STOM: variants seen among roughly 807,000 people sequenced by gnomAD.
STOM encodes the protein stomatin.
In STOM, 25 loss-of-function variants were observed where a neutral mutation model predicts 30.6. That is an observed-to-expected ratio of 0.82 (90% CI 0.60 to 1.14). The LOEUF is 1.14. STOM is among the 50% of genes most tolerant of loss of function. STOM has a pLI of 0.00. For synonymous variants in STOM, 118 were observed against 130.8 expected (o/e 0.90, Z 0.67); for missense variants, 292 against 365.2 (o/e 0.80, Z 1.63).
At position 121,362,393 on chromosome 9, in the gene STOM, A is replaced by G. The variant is rs189445073; in HGVS notation, c.62-6237T>C. On this transcript the variant is annotated intron_variant, in intron 1 of 6. Transcript: ENST00000286713. ...TCTTCTCCCTCCCATCCATGTTATG[A>G]ACATTTTTTCATATCAGCACATATT... Among the ~76,000 whole-genome samples, 530 of 152,290 alleles carry G rather than the reference A, an allele frequency of 3.5e-3. 5 individuals are homozygous for G. The highest frequency in any genetic ancestry group is 0.017 in the Middle Eastern group (5 of 294).
chr9:121,370,207 C>T lies in STOM; in HGVS notation c.-20G>A. The T allele has an allele frequency of 6.5e-7, 1 of 1,545,662 alleles. No individual in the cohort carries two copies. Among genetic ancestry groups the T allele is most frequent in the South Asian group, 1.2e-5 (1 of 83,874 alleles). On this transcript the variant is annotated 5_prime_UTR_variant, in exon 1 of 7. Coordinates refer to ENST00000286713, the MANE Select transcript of STOM (RefSeq NM_004099.6). ...GGCCATGCTGCCCGAGACGCAGTCG[C>T]ACTCCCCCGTCCTCGTTGCCAAACC... is the stretch of plus-strand genomic sequence containing the variant.
intron 1 of STOM, among the ~76,000 whole-genome samples, chr9:121,360,185 C>T (rs1375357814): frequency 4.6e-5 from 7 of 152,178 alleles, no homozygotes; most frequent in Admixed American, 3.3e-4. Context: ...TAAAATACTT[C>T]TCAGCAAGTT....
chr9:121,353,176 G>T (rs2064354477), intron 4 of STOM, 44 bp downstream of exon 4: 2 of 1,162,766 alleles, frequency 1.7e-6, no homozygotes, highest in Non-Finnish European at 2.5e-6. Flanking sequence ...TCATTGTAAA[G>T]CACTTTCACA....
chr9:121,357,657 C>T (rs1010633320), intron 1 of STOM, among the ~76,000 whole-genome samples: 6 of 151,644 alleles, frequency 4.0e-5, no homozygotes, highest in East Asian at 1.9e-4. Flanking sequence ...AGGCTGGCCT[C>T]GAACTCCTGA....
Position 121,370,167 on chromosome 9 carries a change from T to C in STOM, c.21A>G (p.Thr7=). The change falls in exon 1 of 7, where the codon ACA becomes ACG. Residue 7 remains threonine (T), a synonymous_variant. Transcript: ENST00000286713. MAEKRH[T]RDSEAQRLPD... ...GGAGCCGCTGGGCTTCGGAGTCCCGTGTGTGCCGCTTCTCGGCCATGCTGC... is the reference window on the plus strand; with the variant it reads ...GGAGCCGCTGGGCTTCGGAGTCCCGCGTGTGCCGCTTCTCGGCCATGCTGC... 6.5e-7 allele frequency: 1 copy of C among 1,548,130 alleles called. No individual in the cohort carries two copies. Among genetic ancestry groups the C allele is most frequent in the Non-Finnish European group, 8.7e-7 (1 of 1,146,504 alleles).
chr9:121,358,900 T>C (rs1203538610), intron 1 of STOM, among the ~76,000 whole-genome samples: 1 of 152,188 alleles, frequency 6.6e-6, no homozygotes, highest in African/African-American at 2.4e-5. Context: ...ACTTCCTTCA[T>C]CTGGTGTGCA....
intron 6 of STOM, among the ~76,000 whole-genome samples, chr9:121,346,948 G>A (rs2134024730): frequency 6.6e-6 from 1 of 152,318 alleles, no homozygotes; most frequent in East Asian, 1.9e-4. Context: ...CTTGTGTCTT[G>A]GGAGATTTGT....
intron 6 of STOM, among the ~76,000 whole-genome samples, chr9:121,343,739 C>T (rs1012655790): frequency 1.4e-4 from 22 of 152,054 alleles, no homozygotes; most frequent in Admixed American, 7.9e-4. Context: ...TGAATGGGGC[C>T]GGGTTCTGAA....
chr9:121,344,396 A>C (rs933535710), intron 6 of STOM, among the ~76,000 whole-genome samples: 2 of 152,136 alleles, frequency 1.3e-5, no homozygotes, highest in African/African-American at 4.8e-5. Context: ...CTCATTTCCC[A>C]CCACCAATCA....
Position 121,370,170 on chromosome 9 carries a change from G to A in STOM, c.18C>T (p.His6=), listed in dbSNP as rs896955174. MAEKR[H]TRDSEAQRLP... Reference sequence around the variant, plus strand: ...GCCGCTGGGCTTCGGAGTCCCGTGTGTGCCGCTTCTCGGCCATGCTGCCCG... The same window carrying A: ...GCCGCTGGGCTTCGGAGTCCCGTGTATGCCGCTTCTCGGCCATGCTGCCCG... The change falls in exon 1 of 7, where the codon CAC becomes CAT. Residue 6 remains histidine (H), a synonymous_variant. Transcript: ENST00000286713. 1.9e-6 allele frequency: 3 copies of A among 1,548,168 alleles called. No homozygotes were observed. In the South Asian group the frequency reaches 3.6e-5, roughly 18 times the overall value.
chr9:121,368,640 C>CATAA (rs1306110532), intron 1 of STOM, among the ~76,000 whole-genome samples: 38 of 152,136 alleles, frequency 2.5e-4, no homozygotes, highest in Admixed American at 2.0e-3. Context: ...ATAATATATA[C>CATAA]ATAAAATACG....
chr9:121,348,202 G>A, intron 5 of STOM, 53 bp from the exon 6 acceptor site: 1 of 1,612,150 alleles, frequency 6.2e-7, no homozygotes. Context: ...CCCAGATGCT[G>A]ACAGAGGCTG....
intron 1 of STOM, among the ~76,000 whole-genome samples, chr9:121,357,379 A>G (rs942128670): frequency 6.8e-6 from 1 of 147,910 alleles, no homozygotes; most frequent in African/African-American, 2.4e-5. Context: ...GTATTTTGGT[A>G]TATTCTTTGA....
chr9:121,341,083 A>G lies in STOM; in HGVS notation c.*119T>C, dbSNP rs928977930. 1 of 1,531,278 alleles carries G rather than the reference A, an allele frequency of 6.5e-7. No homozygotes were observed. Among genetic ancestry groups the G allele is most frequent in the Non-Finnish European group, 8.8e-7 (1 of 1,141,888 alleles). 94.9% of individuals were successfully genotyped at this position (1,531,278 alleles called of 1,614,324 possible). A position where few individuals can be genotyped will look rare whatever the true frequency, so the allele number is the denominator to read the frequency against. On this transcript the variant is annotated 3_prime_UTR_variant, in exon 7 of 7. Coordinates refer to ENST00000286713, the MANE Select transcript of STOM (RefSeq NM_004099.6). ...TTTCACCTATTTTTATAACTGCTAT[A>G]CATTCTGGGAACACCACAATTGACA...
At chr9:121,347,452 T>C (rs1268055025) in intron 6 of STOM, among the ~76,000 whole-genome samples, 2 of 151,730 alleles carry the variant, frequency 1.3e-5, no homozygotes, top group Non-Finnish European at 2.9e-5. Context: ...AAGGCAGATG[T>C]CAAAGTAAGA....
chr9:121,347,315 T>G (rs541459125), intron 6 of STOM, among the ~76,000 whole-genome samples: 6 of 152,348 alleles, frequency 3.9e-5, no homozygotes, highest in Admixed American at 6.5e-5. Context: ...TTTTACACAT[T>G]ATCATCTTTA....
intron 6 of STOM, among the ~76,000 whole-genome samples, chr9:121,342,886 G>A (rs904857140): frequency 6.6e-6 from 1 of 152,166 alleles, no homozygotes; most frequent in Admixed American, 6.5e-5. Flanking sequence ...GACAGAACAG[G>A]AGTTCTGGAG....
At chr9:121,368,944 A>G (rs1053569596) in intron 1 of STOM, among the ~76,000 whole-genome samples, 3 of 152,078 alleles carry the variant, frequency 2.0e-5, no homozygotes, top group Non-Finnish European at 4.4e-5. Context: ...AAAAAAAAAA[A>G]AAAAGTGATA....
chr9:121,341,533 G>T, intron 6 of STOM, 125 bp from the exon 7 acceptor site: 1 of 1,259,256 alleles, frequency 7.9e-7, no homozygotes, highest in Non-Finnish European at 1.1e-6. Context: ...TGCCAGAGTA[G>T]TTTTAAGAAA....
Sources: allele counts gnomAD v4.1 joint callset (sites outside exome capture counted in the v4.1 genomes callset), GRCh38; gene constraint gnomAD v4.1.1; transcripts MANE v1.5; gene names NCBI Gene and HGNC (gene_info 2026-07-23, HGNC 2026-07-21).